The following IQCM variants were observed in gnomAD, a reference collection of about 807,000 sequenced individuals.
IQCM encodes IQ motif containing M, also known as IQ domain-containing protein M.
In IQCM, 45 loss-of-function variants were observed where a neutral mutation model predicts 57.6. That is an observed-to-expected ratio of 0.78 (90% CI 0.62 to 1.00). IQCM has a LOEUF of 1.00. Among genes scored for constraint, IQCM ranks in the 50% least tolerant of loss-of-function variants. The pLI, the probability that IQCM is intolerant of heterozygous loss-of-function variation, is 0.00. For synonymous variants in IQCM, 148 were observed against 158.9 expected (o/e 0.93, Z 0.51); for missense variants, 468 against 511.6 (o/e 0.91, Z 0.82).
At chr4:149,739,455 A>C (rs73857737) in intron 3 of IQCM, among the ~76,000 whole-genome samples, 1,373 of 117,216 alleles carry the variant, frequency 0.012, 10 homozygotes, top group African/African-American at 0.045. Flanking sequence ...TTTCCCCAAC[A>C]GTGTTTATAT....
intron 4 of IQCM, 116 bp from the exon 5 acceptor site, chr4:149,733,624 T>G (rs1408172155): frequency 2.2e-6 from 1 of 464,870 alleles, no homozygotes; most frequent in Non-Finnish European, 3.4e-6. Context: ...ACATACATTT[T>G]ACAAAGTACC....
intron 7 of IQCM, among the ~76,000 whole-genome samples, chr4:149,673,968 C>T (rs1472661429): frequency 6.6e-6 from 1 of 152,080 alleles, no homozygotes; most frequent in East Asian, 1.9e-4. Context: ...TGTAATATAG[C>T]TTTCTTTTAT....
At chr4:149,460,715 C>T (rs916423219) in intron 12 of IQCM, among the ~76,000 whole-genome samples, 1 of 152,040 alleles carries the variant, frequency 6.6e-6, no homozygotes, top group Non-Finnish European at 1.5e-5. Context: ...AATGATACAA[C>T]GTATGAATTT....
At chr4:149,448,940 T>G (rs968310738) in intron 12 of IQCM, among the ~76,000 whole-genome samples, 1 of 151,714 alleles carries the variant, frequency 6.6e-6, no homozygotes, top group African/African-American at 2.4e-5. Context: ...TCAAAGATAT[T>G]TGAATAGGAA....
intron 13 of IQCM, chr4:149,429,897 G>A (rs186023129): frequency 1.2e-6 from 1 of 857,834 alleles, no homozygotes. Flanking sequence ...TTGGAAGACA[G>A]AGTTTGAAAA....
intron 13 of IQCM, among the ~76,000 whole-genome samples, chr4:149,400,648 G>A (rs1453572104): frequency 6.6e-6 from 1 of 151,892 alleles, no homozygotes; most frequent in Non-Finnish European, 1.5e-5. Flanking sequence ...CAGCCCTTCT[G>A]TATATTAAAA....
chr4:149,415,745 G>T (rs776265348), intron 13 of IQCM, among the ~76,000 whole-genome samples: 1 of 152,030 alleles, frequency 6.6e-6, no homozygotes, highest in Non-Finnish European at 1.5e-5. Context: ...GCTCTGCAAG[G>T]ATAGCTTTTC....
chr4:149,513,844 A>C (rs922323298), intron 12 of IQCM, among the ~76,000 whole-genome samples: 6 of 152,180 alleles, frequency 3.9e-5, no homozygotes, highest in Non-Finnish European at 7.4e-5. Flanking sequence ...TTAAAAAGAA[A>C]TAATGCTAAA....
At chr4:149,793,017 T>A (rs1165103972) in intron 2 of IQCM, among the ~76,000 whole-genome samples, 2 of 152,214 alleles carry the variant, frequency 1.3e-5, no homozygotes, top group East Asian at 3.8e-4. Context: ...TGGGCACCTG[T>A]GACTTTGGAA....
intron 2 of IQCM, among the ~76,000 whole-genome samples, chr4:149,759,661 A>AT (rs1222946097): frequency 2.6e-5 from 4 of 152,088 alleles, no homozygotes; most frequent in African/African-American, 7.2e-5. Flanking sequence ...ATTAAATATC[A>AT]TTTTTTTAAA....
chr4:149,546,852 T>C (rs966854058), intron 12 of IQCM, among the ~76,000 whole-genome samples: 4 of 152,236 alleles, frequency 2.6e-5, no homozygotes, highest in African/African-American at 9.6e-5. Context: ...ATTTTGGCTT[T>C]TGTTGCCATT....
At chr4:149,667,321 G>A (rs1378384516) in intron 7 of IQCM, among the ~76,000 whole-genome samples, 1 of 152,140 alleles carries the variant, frequency 6.6e-6, no homozygotes, top group Non-Finnish European at 1.5e-5. Context: ...AACTCCAGCA[G>A]GCCTGCAGAA....
chr4:149,538,290 A>C (rs1380501108), intron 12 of IQCM, among the ~76,000 whole-genome samples: 2 of 151,814 alleles, frequency 1.3e-5, no homozygotes, highest in African/African-American at 4.8e-5. Context: ...ACTACGTTTA[A>C]CTGGAATTAT....
At chr4:149,374,997 G>T (rs914219822) in intron 13 of IQCM, among the ~76,000 whole-genome samples, 5 of 75,540 alleles carry the variant, frequency 6.6e-5, no homozygotes, top group African/African-American at 1.9e-4. Context: ...GTGTGTGTGT[G>T]TTGTGTGTGT....
At chr4:149,434,038 C>CT (rs1232913067) in intron 12 of IQCM, among the ~76,000 whole-genome samples, 3 of 151,992 alleles carry the variant, frequency 2.0e-5, no homozygotes, top group African/African-American at 7.2e-5. Context: ...TTATTTTTAT[C>CT]TGGCAAACAT....
intron 10 of IQCM, among the ~76,000 whole-genome samples, chr4:149,557,617 C>T (rs1484933340): frequency 6.6e-6 from 1 of 152,176 alleles, no homozygotes; most frequent in Non-Finnish European, 1.5e-5. Flanking sequence ...TAATTCCTTA[C>T]TTCACACAGG....
At chr4:149,767,923 T>A (rs555952139) in intron 2 of IQCM, among the ~76,000 whole-genome samples, 1 of 152,214 alleles carries the variant, frequency 6.6e-6, no homozygotes, top group South Asian at 2.1e-4. Context: ...TAAATATAAA[T>A]ACACTAAGAA....
chr4:149,600,991 T>C (rs1754225483), intron 8 of IQCM, among the ~76,000 whole-genome samples: 1 of 152,170 alleles, frequency 6.6e-6, no homozygotes, highest in African/African-American at 2.4e-5. Context: ...AGAAATGGCA[T>C]TCCTACCCCA....
chr4:149,701,350 C>A (rs1405694110), intron 5 of IQCM, among the ~76,000 whole-genome samples: 10 of 152,056 alleles, frequency 6.6e-5, no homozygotes, highest in Non-Finnish European at 8.8e-5. Flanking sequence ...CATTTAGTAA[C>A]CTTGACATAG....
Sources: allele counts gnomAD v4.1 joint callset (sites outside exome capture counted in the v4.1 genomes callset), GRCh38; gene constraint gnomAD v4.1.1; transcripts MANE v1.5; gene names NCBI Gene and HGNC (gene_info 2026-07-23, HGNC 2026-07-21).